The following SNRNP35 variants were observed in gnomAD, a reference collection of about 807,000 sequenced individuals.
The protein encoded by SNRNP35 is U11/U12 small nuclear ribonucleoprotein 35 kDa protein.
Under a neutral mutation model 24.3 loss-of-function variants are expected in SNRNP35, and 16 were observed. That is an observed-to-expected ratio of 0.66 (90% CI 0.45 to 1.00). The LOEUF is 1.00. Among genes scored for constraint, SNRNP35 ranks in the 50% least tolerant of loss-of-function variants. SNRNP35 has a pLI of 0.00. For synonymous variants in SNRNP35, 106 were observed against 124.8 expected (o/e 0.85, Z 1.00); for missense variants, 292 against 327.2 (o/e 0.89, Z 0.83).
chr12:123,470,859 C>T (rs536373065), downstream of SNRNP35: 3 of 152,180 alleles, frequency 2.0e-5, no homozygotes, highest in Admixed American at 2.0e-4. Flanking sequence ...GGAAGGGCAA[C>T]AAAGGTGGCC....
At chr12:123,471,020 G>C (rs1438113061), downstream of SNRNP35, 1 of 151,612 alleles carries the variant, frequency 6.6e-6, no homozygotes, top group East Asian at 1.9e-4. Context: ...CGGCAATCTG[G>C]AAGCAGAGTC....
rs1389041054 is a variant in SNRNP35, at chr12:123,466,192, A to G, written c.652A>G (p.Arg218Gly). 6.3e-7 allele frequency: 1 copy of G among 1,598,322 alleles called. No individual in the cohort carries two copies. Among genetic ancestry groups the G allele is most frequent in the Non-Finnish European group, 8.5e-7 (1 of 1,173,532 alleles). ...EKRWQEREPT[R>G]VWPDNDWERE... ...GAGATGGCAAGAAAGAGAGCCGACC[A>G]GGGTGTGGCCCGACAATGACTGGGA... is the stretch of plus-strand genomic sequence containing the variant. Residue 218 changes from arginine to glycine, a missense_variant, in exon 2 of 2, where the codon AGG (arginine) becomes GGG (glycine). Arg to Gly is a moderately radical substitution (Grantham distance 125). Transcript: ENST00000526639.
chr12:123,469,217 C>T (rs541919517), downstream of SNRNP35, among the ~76,000 whole-genome samples: 38 of 148,976 alleles, frequency 2.6e-4, no homozygotes, highest in Non-Finnish European at 5.2e-4. Context: ...TGCAGTGGTG[C>T]GATCTCCGCT....
chr12:123,467,258 C>T (rs935602343), downstream of SNRNP35, among the ~76,000 whole-genome samples: 1 of 152,238 alleles, frequency 6.6e-6, no homozygotes, highest in African/African-American at 2.4e-5. Flanking sequence ...AAATGCACTT[C>T]CATTCTCACT....
intron 1 of SNRNP35, among the ~76,000 whole-genome samples, chr12:123,458,562 C>G (rs564849004): frequency 3.4e-4 from 51 of 150,436 alleles, no homozygotes; most frequent in African/African-American, 1.2e-3. Flanking sequence ...GTTCCGCCTT[C>G]AGTTTTGCTT....
chr12:123,465,668 A>G lies in SNRNP35; in HGVS notation c.128A>G (p.Lys43Arg). The change falls in exon 2 of 2, where the codon AAA becomes AGA. Residue 43 changes from lysine to arginine, a missense_variant. Coordinates refer to ENST00000526639, the MANE Select transcript of SNRNP35 (RefSeq NM_022717.4). This position sits in a 1 kb window ranked among gnomAD's most constrained non-coding sequence, Gnocchi z 4.2. ...ATGCTGGCACGATATGTCCCCAACAAAGGTGTCATAGGAGATCCCCTCCTC... is the reference window on the plus strand; with the variant it reads ...ATGCTGGCACGATATGTCCCCAACAGAGGTGTCATAGGAGATCCCCTCCTC... The part of the protein sequence containing the change: ...RAMLARYVPN[K>R]GVIGDPLLTL... The G allele has an allele frequency of 6.2e-7, 1 of 1,613,960 alleles. No individual in the cohort carries two copies. The highest frequency in any genetic ancestry group is 8.5e-7 in the Non-Finnish European group (1 of 1,179,960).
Position 123,465,972 on chromosome 12 carries a change from T to TG in SNRNP35, c.437dup (p.Glu149GlyfsTer19), listed in dbSNP as rs748280397. 3.7e-6 allele frequency: 6 copies of TG among 1,613,532 alleles called. No individual in the cohort carries two copies. Among genetic ancestry groups the TG allele is most frequent in the African/African-American group, 1.3e-5 (1 of 74,768 alleles). Reference sequence around the variant, plus strand: ...TCCCTCGGCGACTTGGAGGCGGTCTTGGGGGAAAAAAGGAGTCTGGGCAAC... The same window carrying TG: ...TCCCTCGGCGACTTGGAGGCGGTCTTGGGGGGAAAAAAGGAGTCTGGGCAAC... On this transcript the variant is annotated frameshift_variant, in exon 2 of 2. Transcript: ENST00000526639. LOFTEE classifies it high-confidence loss of function. This position sits in a 1 kb window ranked among gnomAD's most constrained non-coding sequence, Gnocchi z 4.2.
intron 1 of SNRNP35, chr12:123,464,344 A>T (rs954661875): frequency 6.7e-6 from 1 of 150,044 alleles, no homozygotes. Context: ...GGTTCAAGTC[A>T]TTCTCCTGCC....
In SNRNP35 at chr12:123,458,188, C is replaced by T. The variant is rs1196956360; in HGVS notation, c.-32C>T. The stretch of plus-strand genomic sequence containing the variant: ...TCGCCTGCAGCTGCTCGCCTGTCTC[C>T]GTCGGAAGGGAGCCCAAGCTTTGCA... On this transcript the variant is annotated 5_prime_UTR_variant, in exon 1 of 2. Transcript: ENST00000526639. The T allele has an allele frequency of 1.3e-5, 13 of 985,360 alleles. No homozygotes were observed. The highest frequency in any genetic ancestry group is 1.1e-4 in the East Asian group (1 of 8,820). 61.0% of individuals were successfully genotyped at this position (985,360 alleles called of 1,614,324 possible). A position where few individuals can be genotyped will look rare whatever the true frequency, so the allele number is the denominator to read the frequency against.
At position 123,460,193 on chromosome 12, in the gene SNRNP35, G is replaced by T. The variant is rs182186547; in HGVS notation, c.-4+1977G>T. On this transcript the variant is annotated intron_variant, in intron 1 of 1. Coordinates refer to ENST00000526639, the MANE Select transcript of SNRNP35 (RefSeq NM_022717.4). ...TTTTCCTTCAGGAGAGGAGGGGTGG[G>T]TCTCAGCCTCAGACACCCAGAATAC... Among the ~76,000 whole-genome samples, 17 of 152,176 alleles carry T rather than the reference G, an allele frequency of 1.1e-4. No homozygotes were observed. The East Asian group carries it at 2.5e-3, about 22-fold the overall frequency.
chr12:123,462,153 C>T (rs1880669472), intron 1 of SNRNP35, among the ~76,000 whole-genome samples: 1 of 152,110 alleles, frequency 6.6e-6, no homozygotes, highest in South Asian at 2.1e-4. Context: ...TTAGAAGTTT[C>T]AATGAGCTGT....
downstream of SNRNP35, among the ~76,000 whole-genome samples, chr12:123,468,429 T>C (rs1432958297): frequency 1.3e-5 from 2 of 150,810 alleles, no homozygotes; most frequent in African/African-American, 4.9e-5. Context: ...GGCTCACGGC[T>C]GTAATCTCAG....
chr12:123,462,537 C>T (rs184017431), intron 1 of SNRNP35, among the ~76,000 whole-genome samples: 3 of 144,618 alleles, frequency 2.1e-5, no homozygotes, highest in Non-Finnish European at 4.5e-5. Flanking sequence ...GATGGAGTCT[C>T]GCTCTGTTGC....
exon 2 of SNRNP35, chr12:123,472,543 G>A: frequency 1.3e-6 from 2 of 1,551,382 alleles, no homozygotes; most frequent in Non-Finnish European, 1.7e-6. Context: ...CAAGGTCACA[G>A]ATGCTGCAGG....
chr12:123,461,345 C>A (rs1041136006), intron 1 of SNRNP35, among the ~76,000 whole-genome samples: 1 of 144,660 alleles, frequency 6.9e-6, no homozygotes, highest in African/African-American at 2.6e-5. Context: ...CCAGGATGGT[C>A]TCAATCTCCT....
At chr12:123,461,144 C>G (rs1880600592) in intron 1 of SNRNP35, among the ~76,000 whole-genome samples, 1 of 149,660 alleles carries the variant, frequency 6.7e-6, no homozygotes, top group Non-Finnish European at 1.5e-5. Flanking sequence ...GAGACGGAGT[C>G]TCGCTCTGTC....
chr12:123,463,248 G>A (rs1880732415), intron 1 of SNRNP35, among the ~76,000 whole-genome samples: 1 of 151,714 alleles, frequency 6.6e-6, no homozygotes, highest in Non-Finnish European at 1.5e-5. Flanking sequence ...TTTTAGTAGA[G>A]ATGAGGTCTT....
chr12:123,472,796 C>A lies in SNRNP35; in HGVS notation n.1803C>A, dbSNP rs1044697495. ...AAACTTAGAAGGGAGCAAATCAATT[C>A]AAGGTGTGAAAGACAAAGTTGGGGG... On this transcript the variant is annotated non_coding_transcript_exon_variant, in exon 2 of 2. Coordinates refer to the SNRNP35 transcript ENST00000527158. 4 of 1,177,256 alleles carry A rather than the reference C, an allele frequency of 3.4e-6. No individual in the cohort carries two copies. In the African/African-American group the frequency reaches 6.1e-5, roughly 18 times the overall value. The allele number at this position is 1,177,256 out of a possible 1,614,324, so 72.9% of individuals were successfully genotyped here.
Position 123,465,654 on chromosome 12 carries a change from A to G in SNRNP35, c.114A>G (p.Arg38=), listed in dbSNP as rs148315353. ...DRAVWRAMLA[R]YVPNKGVIGD... is the part of the protein sequence containing the mutation. ...CGGTCTGGAGGGCAATGCTGGCACG[A>G]TATGTCCCCAACAAAGGTGTCATAG... The change falls in exon 2 of 2, where the codon CGA becomes CGG. Residue 38 remains arginine (R), a synonymous_variant. Transcript: ENST00000526639. The surrounding 1 kb of genome is among the most constrained non-coding windows in gnomAD (Gnocchi z 4.2). The G allele has an allele frequency of 1.2e-4, 193 of 1,613,928 alleles. No homozygotes were observed. The African/African-American group carries it at 2.3e-3, about 19-fold the overall frequency.
Sources: allele counts gnomAD v4.1 joint callset (sites outside exome capture counted in the v4.1 genomes callset), GRCh38; gene constraint gnomAD v4.1.1; non-coding constraint Gnocchi (gnomAD v3.1); transcripts MANE v1.5; gene names NCBI Gene and HGNC (gene_info 2026-07-23, HGNC 2026-07-21).